GRIA4: variants seen among roughly 807,000 people sequenced by gnomAD.
The protein encoded by GRIA4 is glutamate ionotropic receptor AMPA type subunit 4, also known as glutamate receptor 4.
GRIA4 carries 34 observed loss-of-function variants against 104.0 expected under a neutral mutation model. That is an observed-to-expected ratio of 0.33 (90% CI 0.25 to 0.44). The LOEUF (loss-of-function observed/expected upper bound fraction) is 0.44, where lower values mean the gene tolerates loss of function less well. Among genes scored for constraint, GRIA4 ranks in the 20% least tolerant of loss-of-function variants. The pLI is 1.00. For missense variants in GRIA4, 750 were observed against 1,096.5 expected (o/e 0.68, Z 4.46); for synonymous variants, 386 against 381.9 (o/e 1.01, Z -0.13).
chr11:105,645,261 G>C (rs1294649170), intron 3 of GRIA4, among the ~76,000 whole-genome samples: 3 of 152,208 alleles, frequency 2.0e-5, no homozygotes, highest in African/African-American at 7.2e-5. Context: ...TATCTTGCTA[G>C]AGTGAGCTAC....
chr11:105,945,709 A>G (rs893335799), intron 14 of GRIA4, among the ~76,000 whole-genome samples: 1 of 152,204 alleles, frequency 6.6e-6, no homozygotes, highest in African/African-American at 2.4e-5. Flanking sequence ...CTTTCACACA[A>G]GTCATATCAG....
At position 105,862,216 on chromosome 11, in the gene GRIA4, C is replaced by G; in HGVS notation, c.672+8C>G. ...CAAAACATATTAGAACAGGTAAGTC[C>G]TAGATTTTATATTTTTAACCTAGAC... On this transcript the variant is annotated splice_region_variant and intron_variant, in intron 5 of 16. Coordinates refer to ENST00000282499, the MANE Select transcript of GRIA4 (RefSeq NM_000829.4). 1.3e-6 allele frequency: 2 copies of G among 1,511,892 alleles called. No homozygotes were observed. The highest frequency in any genetic ancestry group is 1.1e-5 in the South Asian group (1 of 88,320). The allele number at this position is 1,511,892 out of a possible 1,614,324, so 93.7% of individuals were successfully genotyped here.
intron 14 of GRIA4, among the ~76,000 whole-genome samples, chr11:105,948,421 C>G (rs1948370777): frequency 6.6e-6 from 1 of 151,948 alleles, no homozygotes; most frequent in South Asian, 2.1e-4. Flanking sequence ...GAGTTAAATA[C>G]ATATTAAAAT....
At chr11:105,802,909 T>C (rs182582340) in intron 4 of GRIA4, among the ~76,000 whole-genome samples, 144 of 151,962 alleles carry the variant, frequency 9.5e-4, no homozygotes, top group Admixed American at 2.5e-3. Context: ...TATACACATA[T>C]GCACACATAT....
At chr11:105,875,316 C>A (rs745345193) in intron 5 of GRIA4, among the ~76,000 whole-genome samples, 19 of 152,146 alleles carry the variant, frequency 1.2e-4, no homozygotes, top group Non-Finnish European at 2.9e-5. Flanking sequence ...TTCGGATTGC[C>A]AGTATTTTAA....
intron 14 of GRIA4, among the ~76,000 whole-genome samples, chr11:105,968,467 T>G (rs1858507964): frequency 6.6e-6 from 1 of 152,184 alleles, no homozygotes; most frequent in Non-Finnish European, 1.5e-5. Context: ...CGTGCAGTAA[T>G]TAGCATCCCC....
chr11:105,957,844 T>G (rs1232628992), intron 14 of GRIA4, among the ~76,000 whole-genome samples: 1 of 152,162 alleles, frequency 6.6e-6, no homozygotes, highest in Non-Finnish European at 1.5e-5. Flanking sequence ...GTAAGTTGGA[T>G]TCCTAGGTAT....
At position 105,782,755 on chromosome 11, in the gene GRIA4, CTA is replaced by C. The variant is rs966143349; in HGVS notation, c.487+29537_487+29538del. 1.4e-4 allele frequency among the ~76,000 whole-genome samples: 22 copies of C among 152,160 alleles called. 1 individual carries two copies. The highest frequency in any genetic ancestry group is 3.9e-4 in the African/African-American group (16 of 41,442). On this transcript the variant is annotated intron_variant, in intron 4 of 16. Transcript: ENST00000282499. The stretch of plus-strand genomic sequence containing the variant: ...CACCAAGGAACTGCCTCTTCCTCCT[CTA>C]TGTAAGACCAAGATGACAATTCACG...
chr11:105,862,652 CAGTGGAATACTGTATATAATTT>C (rs59740949), intron 5 of GRIA4: 30,515 of 163,136 alleles, frequency 0.19, 3,084 homozygotes, highest in South Asian at 0.21. Flanking sequence ...AAAGAAAAGT[CAGTGGAATACTGTATATAATTT>C]AGTGGAATAC....
intron 3 of GRIA4, among the ~76,000 whole-genome samples, chr11:105,628,116 CAG>C (rs1950935507): frequency 6.6e-6 from 1 of 151,982 alleles, no homozygotes; most frequent in Non-Finnish European, 1.5e-5. Context: ...CACACACACA[CAG>C]AGCCTGCCAA....
intron 4 of GRIA4, among the ~76,000 whole-genome samples, chr11:105,822,550 A>G (rs1310484523): frequency 6.6e-6 from 1 of 152,120 alleles, no homozygotes; most frequent in Non-Finnish European, 1.5e-5. Context: ...AGGGAATGCA[A>G]TGATTTTTCA....
chr11:105,918,301 C>A (rs1947466392), intron 10 of GRIA4, among the ~76,000 whole-genome samples: 2 of 152,034 alleles, frequency 1.3e-5, no homozygotes, highest in Admixed American at 1.3e-4. Flanking sequence ...AATATGGAAA[C>A]CTGTGACCTT....
intron 4 of GRIA4, among the ~76,000 whole-genome samples, chr11:105,808,628 A>G (rs1943048255): frequency 6.6e-6 from 1 of 152,046 alleles, no homozygotes; most frequent in African/African-American, 2.4e-5. Flanking sequence ...CAGACAAACA[A>G]ATTCTTTAAA....
intron 14 of GRIA4, among the ~76,000 whole-genome samples, chr11:105,959,989 C>T (rs565491881): frequency 1.3e-5 from 2 of 152,336 alleles, no homozygotes; most frequent in South Asian, 2.1e-4. Flanking sequence ...CTGCCTGCTC[C>T]TTCTTCTAGG....
chr11:105,700,744 A>T (rs1259705498), intron 3 of GRIA4, among the ~76,000 whole-genome samples: 3 of 152,138 alleles, frequency 2.0e-5, no homozygotes, highest in African/African-American at 7.2e-5. Flanking sequence ...ATTCCCACCG[A>T]CATTAAATGA....
At chr11:105,905,579 C>A (rs1947014757) in intron 9 of GRIA4, among the ~76,000 whole-genome samples, 1 of 152,032 alleles carries the variant, frequency 6.6e-6, no homozygotes, top group South Asian at 2.1e-4. Context: ...CAAAAAGAAT[C>A]CCACAAAACA....
chr11:105,852,707 G>A (rs1458160179), intron 4 of GRIA4, among the ~76,000 whole-genome samples: 1 of 152,160 alleles, frequency 6.6e-6, no homozygotes, highest in African/African-American at 2.4e-5. Flanking sequence ...AACTGAGCTA[G>A]TCTCAGTAGG....
At chr11:105,703,956 G>C (rs372617525) in intron 3 of GRIA4, among the ~76,000 whole-genome samples, 1 of 152,096 alleles carries the variant, frequency 6.6e-6, no homozygotes. Flanking sequence ...GTACATACAA[G>C]CAAATAGGAG....
intron 3 of GRIA4, among the ~76,000 whole-genome samples, chr11:105,620,322 A>G (rs902240440): frequency 5.3e-5 from 1 of 18,812 alleles, no homozygotes; most frequent in African/African-American, 1.5e-4. Context: ...AAAACTCAGA[A>G]GTAGGCATTA....
Sources: allele counts gnomAD v4.1 joint callset (sites outside exome capture counted in the v4.1 genomes callset), GRCh38; gene constraint gnomAD v4.1.1; transcripts MANE v1.5; gene names NCBI Gene and HGNC (gene_info 2026-07-23, HGNC 2026-07-21).